The following PLD5 variants were observed in gnomAD, a reference collection of about 807,000 sequenced individuals.
PLD5 encodes the protein inactive phospholipase D5.
In PLD5, 36 loss-of-function variants were observed where a neutral mutation model predicts 61.1. The ratio of observed to expected loss-of-function variants is 0.59; its 90% confidence interval spans 0.45 to 0.78. The LOEUF (loss-of-function observed/expected upper bound fraction) is 0.78, where lower values mean the gene tolerates loss of function less well. Among genes scored for constraint, PLD5 ranks in the 30% least tolerant of loss-of-function variants. The pLI, the probability that PLD5 is intolerant of heterozygous loss-of-function variation, is 0.00. For synonymous variants in PLD5, 243 were observed against 242.8 expected (o/e 1.00, Z -0.01); for missense variants, 515 against 644.4 (o/e 0.80, Z 2.17).
intron 5 of PLD5, among the ~76,000 whole-genome samples, chr1:242,173,904 G>A (rs1457835616): frequency 6.6e-6 from 1 of 152,074 alleles, no homozygotes; most frequent in African/African-American, 2.4e-5. Context: ...AATTCAAGAT[G>A]GATTAAAGAC....
At chr1:242,116,007 C>A (rs1217401207) in intron 6 of PLD5, among the ~76,000 whole-genome samples, 1 of 152,150 alleles carries the variant, frequency 6.6e-6, no homozygotes, top group Non-Finnish European at 1.5e-5. Flanking sequence ...TAGTGTTTCC[C>A]ACAGTTGCTG....
chr1:242,111,057 A>ATTTTT (rs112040049), intron 7 of PLD5, among the ~76,000 whole-genome samples: 3 of 145,418 alleles, frequency 2.1e-5, no homozygotes, highest in African/African-American at 7.6e-5. Context: ...GGGCTTCTGA[A>ATTTTT]TTTTTTTTTT....
intron 4 of PLD5, among the ~76,000 whole-genome samples, chr1:242,237,169 C>T (rs1671691397): frequency 6.6e-6 from 1 of 151,926 alleles, no homozygotes; most frequent in African/African-American, 2.4e-5. Context: ...AAAAAACAAA[C>T]AGCTTTGGTA....
intron 5 of PLD5, among the ~76,000 whole-genome samples, chr1:242,191,728 C>A (rs1668300174): frequency 6.6e-6 from 1 of 151,578 alleles, no homozygotes; most frequent in Non-Finnish European, 1.5e-5. Context: ...AAGAATGTAA[C>A]CAAAATCAAC....
chr1:242,193,472 C>T (rs1012368848), intron 5 of PLD5, among the ~76,000 whole-genome samples: 3 of 152,200 alleles, frequency 2.0e-5, no homozygotes, highest in Non-Finnish European at 4.4e-5. Flanking sequence ...CACAGAGAGA[C>T]TTCTCCACGG....
Position 242,448,074 on chromosome 1 carries a change from G to C in PLD5, c.189+76014C>G, listed in dbSNP as rs986618398. ...ATTTATTTTTACCCATCCTGACTAA[G>C]GAGAAACAGTTTATTTTGACTTCTC... On this transcript the variant is annotated intron_variant, in intron 1 of 9. Coordinates refer to ENST00000536534, the MANE Select transcript of PLD5 (RefSeq NM_001372062.1). Among the ~76,000 whole-genome samples, 8 of 152,212 alleles carry C rather than the reference G, an allele frequency of 5.3e-5. No homozygotes were observed. In the East Asian group the frequency reaches 1.5e-3, roughly 29 times the overall value.
chr1:242,454,104 C>T (rs1422091691), intron 1 of PLD5, among the ~76,000 whole-genome samples: 4 of 152,090 alleles, frequency 2.6e-5, no homozygotes, highest in Non-Finnish European at 5.9e-5. Flanking sequence ...CCAAGGTGGG[C>T]AGATCACTTG....
In PLD5 at chr1:242,135,526, C is replaced by T. The variant is rs143913467; in HGVS notation, c.736-10861G>A. 6.2e-3 allele frequency among the ~76,000 whole-genome samples: 937 copies of T among 152,310 alleles called. 7 individuals are homozygous for T. Among genetic ancestry groups the T allele is most frequent in the Middle Eastern group, 0.02 (6 of 294 alleles). On this transcript the variant is annotated intron_variant, in intron 5 of 9. Transcript: ENST00000536534. The stretch of plus-strand genomic sequence containing the variant: ...CTTTCTAATTTCAAGAGGAAACTTG[C>T]CCATCTACCTGTTTTCCATTTTTCA...
intron 2 of PLD5, among the ~76,000 whole-genome samples, chr1:242,309,072 C>T (rs1371956413): frequency 1.3e-5 from 2 of 151,964 alleles, no homozygotes; most frequent in South Asian, 2.1e-4. Flanking sequence ...GTGGCACTTC[C>T]GTGAGAGGGG....
At chr1:242,525,712 C>T (rs1669430009), upstream of PLD5, among the ~76,000 whole-genome samples, 2 of 152,186 alleles carry the variant, frequency 1.3e-5, no homozygotes, top group Non-Finnish European at 2.9e-5. Context: ...AAACTGAAGG[C>T]TCTCTAGCCC....
At chr1:242,216,093 G>A (rs758844231) in intron 5 of PLD5, among the ~76,000 whole-genome samples, 7 of 152,168 alleles carry the variant, frequency 4.6e-5, no homozygotes, top group African/African-American at 7.2e-5. Flanking sequence ...GCCAAGTAAT[G>A]CTGCAGGTCA....
At chr1:242,508,201 T>G (rs1338157861) in intron 1 of PLD5, among the ~76,000 whole-genome samples, 2 of 123,182 alleles carry the variant, frequency 1.6e-5, no homozygotes, top group Non-Finnish European at 3.4e-5. Context: ...CTGTCTCCAC[T>G]AAAAATACAA....
At chr1:242,372,187 T>A (rs1014837839) in intron 1 of PLD5, among the ~76,000 whole-genome samples, 2 of 152,150 alleles carry the variant, frequency 1.3e-5, no homozygotes, top group African/African-American at 4.8e-5. Context: ...TTATTATTTT[T>A]TAAATTTATC....
intron 5 of PLD5, among the ~76,000 whole-genome samples, chr1:242,156,693 G>A (rs188271840): frequency 3.9e-5 from 6 of 152,308 alleles, no homozygotes; most frequent in African/African-American, 1.2e-4. Flanking sequence ...ACTCTCTTCT[G>A]GCTTGTAGGG....
intron 9 of PLD5, among the ~76,000 whole-genome samples, chr1:242,100,331 G>C (rs896198927): frequency 6.6e-6 from 1 of 152,158 alleles, no homozygotes; most frequent in Admixed American, 6.5e-5. Context: ...TGTGGGCAGG[G>C]GGATGACACT....
intron 4 of PLD5, among the ~76,000 whole-genome samples, chr1:242,237,957 G>A (rs1030913918): frequency 2.6e-5 from 4 of 152,130 alleles, no homozygotes; most frequent in Admixed American, 6.5e-5. Flanking sequence ...CACATTCTCC[G>A]ATGTGTCTGA....
Position 242,329,496 on chromosome 1 carries a change from G to A in PLD5, c.326+18610C>T, listed in dbSNP as rs114670172. 3.5e-3 allele frequency among the ~76,000 whole-genome samples: 526 copies of A among 152,038 alleles called. 4 individuals are homozygous for A. The highest frequency in any genetic ancestry group is 0.012 in the African/African-American group (505 of 41,454). Reference sequence around the variant, plus strand: ...TGTCCACTATGCAGTACCAGCTTCTGGTCATCTCCACTCAGGTGATCCACG... The same window carrying A: ...TGTCCACTATGCAGTACCAGCTTCTAGTCATCTCCACTCAGGTGATCCACG... On this transcript the variant is annotated intron_variant, in intron 2 of 9. Coordinates refer to ENST00000536534, the MANE Select transcript of PLD5 (RefSeq NM_001372062.1).
chr1:242,227,473 T>C (rs1304157921), intron 4 of PLD5, among the ~76,000 whole-genome samples: 1 of 152,158 alleles, frequency 6.6e-6, no homozygotes, highest in East Asian at 1.9e-4. Flanking sequence ...CAAGCAATTC[T>C]CATGCCTCAG....
intron 4 of PLD5, among the ~76,000 whole-genome samples, chr1:242,264,582 C>T (rs894617304): frequency 3.3e-5 from 5 of 152,152 alleles, no homozygotes; most frequent in East Asian, 1.9e-4. Flanking sequence ...TGAGCTGTAA[C>T]GCCATCAGGT....
Sources: gnomAD v4.1 joint callset for allele counts (sites outside exome capture counted in the v4.1 genomes callset) on GRCh38, gnomAD v4.1.1 for gene constraint, MANE v1.5 for transcripts, NCBI Gene and HGNC (gene_info 2026-07-23, HGNC 2026-07-21) for gene names.